The following CSMD1 variants were observed in gnomAD, a reference collection of about 807,000 sequenced individuals.
CSMD1 encodes the protein CUB and Sushi multiple domains 1.
A neutral mutation model predicts 417.5 loss-of-function variants in CSMD1; 213 were observed. The ratio of observed to expected loss-of-function variants is 0.51; its 90% CI spans 0.46 to 0.57. The LOEUF (loss-of-function observed/expected upper bound fraction) is 0.57, where lower values mean the gene tolerates loss of function less well. Among genes scored for constraint, CSMD1 ranks in the 20% least tolerant of loss-of-function variants. The pLI is 0.00. For missense variants in CSMD1, 6,923 were observed against 4,529.7 expected, an observed-to-expected ratio of 1.53 and a Z score of -15.17; for synonymous variants, 2,862 against 1,736.8, an observed-to-expected ratio of 1.65 and a Z score of -16.11.
At chr8:3,773,284 G>A (rs995410121) in intron 5 of CSMD1, among the ~76,000 whole-genome samples, 4 of 152,102 alleles carry the variant, frequency 2.6e-5, no homozygotes, top group Non-Finnish European at 4.4e-5. Context: ...GGATATAATA[G>A]GTTTGGGGAG....
chr8:4,757,957 C>T (rs867770541), intron 1 of CSMD1, among the ~76,000 whole-genome samples: 1 of 110,142 alleles, frequency 9.1e-6, no homozygotes, highest in Non-Finnish European at 1.8e-5. Flanking sequence ...GAGACTTTGT[C>T]TCAAAAAAAA....
intron 2 of CSMD1, among the ~76,000 whole-genome samples, chr8:4,460,044 C>T (rs1799715556): frequency 1.3e-5 from 2 of 152,246 alleles, no homozygotes; most frequent in African/African-American, 4.8e-5. Context: ...ACAGAACATT[C>T]CAGCCAATAA....
chr8:4,753,403 CCACACACACA>C lies in CSMD1; in HGVS notation c.86-115855_86-115846del, dbSNP rs71209121. Reference sequence around the variant, plus strand: ...TCTCTTCCCTACTTTCCACCATAAACCACACACACACACACACACACACACACACACACAC... The same window carrying C: ...TCTCTTCCCTACTTTCCACCATAAACCACACACACACACACACACACACAC... On this transcript the variant is annotated intron_variant, in intron 1 of 69. Coordinates refer to ENST00000635120, the MANE Select transcript of CSMD1 (RefSeq NM_033225.6). Among the ~76,000 whole-genome samples, 432 of 137,886 alleles carry C rather than the reference CCACACACACA, an allele frequency of 3.1e-3. 2 individuals carry two copies. Among genetic ancestry groups the C allele is most frequent in the East Asian group, 5.1e-3 (25 of 4,902 alleles). The allele number at this position is 137,886 out of a possible 152,430, so 90.5% of individuals were successfully genotyped here. A position where few individuals can be genotyped will look rare whatever the true frequency, so the allele number is the denominator to read the frequency against.
chr8:3,329,621 G>C (rs563729118), intron 23 of CSMD1, among the ~76,000 whole-genome samples: 8 of 152,068 alleles, frequency 5.3e-5, no homozygotes, highest in African/African-American at 1.9e-4. Flanking sequence ...TCACAGGTTG[G>C]AGCTCAGGCT....
intron 2 of CSMD1, among the ~76,000 whole-genome samples, chr8:4,562,301 G>C (rs1221124991): frequency 1.3e-5 from 2 of 152,174 alleles, no homozygotes; most frequent in South Asian, 2.1e-4. Context: ...CTGGAGTGGA[G>C]GACTCAGCAA....
chr8:2,950,168 C>T, intron 67 of CSMD1, 63 bp downstream of exon 67: 1 of 1,084,152 alleles, frequency 9.2e-7, no homozygotes, highest in Non-Finnish European at 1.4e-6. Context: ...GTAGCCCTTG[C>T]ATCTGCACAG....
Position 4,291,052 on chromosome 8 carries a change from T to C in CSMD1, c.415+128901A>G, listed in dbSNP as rs76340783. Among the ~76,000 whole-genome samples, 2,177 of 152,280 alleles carry C rather than the reference T, an allele frequency of 0.014. 163 individuals are homozygous for C. In the East Asian group the frequency reaches 0.23, roughly 16 times the overall value. On this transcript the variant is annotated intron_variant, in intron 3 of 69. Coordinates refer to ENST00000635120, the MANE Select transcript of CSMD1 (RefSeq NM_033225.6). ...TTCTTTGTACCCTAGTGTAAAATATTATGGGAATAATAATGGAATTTCCTG... is the reference window on the plus strand; with the variant it reads ...TTCTTTGTACCCTAGTGTAAAATATCATGGGAATAATAATGGAATTTCCTG...
At position 4,494,039 on chromosome 8, in the gene CSMD1, A is replaced by T. The variant is rs186851421; in HGVS notation, c.303-73974T>A. ...GACCTCAGAGGCCCTGGGGGAAGGA[A>T]CATGAATGGTATTCTTGGGTCCCAT... is the stretch of plus-strand genomic sequence containing the variant. On this transcript the variant is annotated intron_variant, in intron 2 of 69. Transcript: ENST00000635120. Among the ~76,000 whole-genome samples the T allele has an allele frequency of 3.9e-5, 6 of 152,314 alleles. No individual in the cohort carries two copies. In the East Asian group the frequency reaches 1.2e-3, roughly 29 times the overall value.
chr8:3,779,562 C>T (rs925260378), intron 5 of CSMD1, among the ~76,000 whole-genome samples: 1 of 152,126 alleles, frequency 6.6e-6, no homozygotes, highest in Non-Finnish European at 1.5e-5. Context: ...GTGAATTATG[C>T]TCAAATATCC....
chr8:4,844,118 C>G (rs759429355), intron 1 of CSMD1, among the ~76,000 whole-genome samples: 2 of 152,134 alleles, frequency 1.3e-5, no homozygotes, highest in Non-Finnish European at 2.9e-5. Context: ...AGAGCTGACA[C>G]TGGTTTTGAT....
At chr8:4,401,028 G>C (rs911436227) in intron 3 of CSMD1, among the ~76,000 whole-genome samples, 4 of 152,026 alleles carry the variant, frequency 2.6e-5, no homozygotes, top group Admixed American at 2.0e-4. Flanking sequence ...AAATCTGAAA[G>C]TTAATATACG....
rs574002125 is a variant in CSMD1 at position 3,019,121 on chromosome 8, T to C, written c.7856-471A>G. On this transcript the variant is annotated intron_variant, in intron 51 of 69. Coordinates refer to ENST00000635120, the MANE Select transcript of CSMD1 (RefSeq NM_033225.6). ...TTAGTAGAGACAGTGTTTTGCCATG[T>C]TGGCCAGACTGATCTCAAACTCCTG... Among the ~76,000 whole-genome samples, 12 of 152,350 alleles carry C rather than the reference T, an allele frequency of 7.9e-5. No homozygotes were observed. The East Asian group carries it at 2.1e-3, about 27-fold the overall frequency.
intron 8 of CSMD1, among the ~76,000 whole-genome samples, chr8:3,614,245 T>C (rs56328022): frequency 0.011 from 1,710 of 152,140 alleles, 41 homozygotes; most frequent in African/African-American, 0.039. Context: ...ACTAGGAAAG[T>C]GACAGATTGA....
intron 3 of CSMD1, among the ~76,000 whole-genome samples, chr8:4,293,170 G>C (rs1485117203): frequency 6.6e-6 from 1 of 152,052 alleles, no homozygotes; most frequent in African/African-American, 2.4e-5. Flanking sequence ...TATACTCTGA[G>C]GACTGAACCT....
At chr8:3,951,893 GA>G (rs916662939) in intron 5 of CSMD1, among the ~76,000 whole-genome samples, 10 of 150,544 alleles carry the variant, frequency 6.6e-5, no homozygotes, top group South Asian at 6.3e-4. Context: ...TATCCTGGAG[GA>G]AAAAAAATCT....
At chr8:3,844,923 C>A (rs201342982) in intron 5 of CSMD1, among the ~76,000 whole-genome samples, 8,716 of 152,074 alleles carry the variant, frequency 0.057, 11 homozygotes, top group African/African-American at 0.18. Context: ...TTAAAAACTG[C>A]CATCAGAATG....
intron 6 of CSMD1, among the ~76,000 whole-genome samples, chr8:3,735,914 C>T (rs12716598): frequency 0.62 from 94,002 of 151,936 alleles, 30,679 homozygotes; most frequent in Non-Finnish European, 0.72. Flanking sequence ...ACAAAAATTA[C>T]AGCCTCCTAA....
Position 3,214,697 on chromosome 8 carries a change from G to A in CSMD1, c.4673-6C>T. 1 of 1,547,232 alleles carries A rather than the reference G, an allele frequency of 6.5e-7. No individual in the cohort carries two copies. The highest frequency in any genetic ancestry group is 1.2e-5 in the South Asian group (1 of 83,378). Reference sequence around the variant, plus strand: ...ACAAGCTTCCCGTGGTTTCTCTGTGGAAGAAATGAATGTAAACTGCATGAG... The same window carrying A: ...ACAAGCTTCCCGTGGTTTCTCTGTGAAAGAAATGAATGTAAACTGCATGAG... On this transcript the variant is annotated splice_polypyrimidine_tract_variant and splice_region_variant and intron_variant, in intron 29 of 69. Coordinates refer to ENST00000635120, the MANE Select transcript of CSMD1 (RefSeq NM_033225.6).
At chr8:3,118,625 G>T (rs1421903308) in intron 41 of CSMD1, 38 bp from the exon 42 acceptor site, 2 of 1,584,316 alleles carry the variant, frequency 1.3e-6, no homozygotes, top group East Asian at 2.2e-5. Context: ...GCTTATATTT[G>T]TGAGGTTAAA....
Sources: gnomAD v4.1 joint callset for allele counts (sites outside exome capture counted in the v4.1 genomes callset) on GRCh38, gnomAD v4.1.1 for gene constraint, MANE v1.5 for transcripts, NCBI Gene and HGNC (gene_info 2026-07-23, HGNC 2026-07-21) for gene names.